Variants in NFKBIE observed in about 807,000 individuals in gnomAD.
NFKBIE encodes the protein NF-kappa-B inhibitor epsilon.
A neutral mutation model predicts 31.6 loss-of-function variants in NFKBIE; 11 were observed. The ratio of observed to expected loss-of-function variants is 0.35; its 90% CI spans 0.22 to 0.58. The LOEUF is 0.58. Among genes scored for constraint, NFKBIE ranks in the 20% least tolerant of loss-of-function variants. The probability of loss-of-function intolerance (pLI) is 0.83; values close to 1 mark genes in which losing one functional copy is unlikely to be tolerated. For synonymous variants in NFKBIE, 208 were observed against 210.1 expected, an observed-to-expected ratio of 0.99 and a Z score of 0.09; for missense variants, 354 against 465.7, an observed-to-expected ratio of 0.76 and a Z score of 2.21.
intron 1 of NFKBIE, 124 bp downstream of exon 1, chr6:44,264,857 TG>T: frequency 9.4e-7 from 1 of 1,069,246 alleles, no homozygotes; most frequent in Non-Finnish European, 1.4e-6. Context: ...GAGTTAAGTC[TG>T]GAGTTTGGAA....
At position 44,260,885 on chromosome 6, in the gene NFKBIE, ACACAC is replaced by A. The variant is rs1448542063; in HGVS notation, c.692-351_692-347del. The stretch of plus-strand genomic sequence containing the variant: ...GACACACACACACACACACACACAC[ACACAC>A]AACCTGCCTTCAAGCCCAGTCTGAA... On this transcript the variant is annotated intron_variant, in intron 3 of 5. Coordinates refer to ENST00000619360, the MANE Select transcript of NFKBIE (RefSeq NM_004556.3). This position sits in a 1 kb window ranked among gnomAD's most constrained non-coding sequence, Gnocchi z 5.5. Among the ~76,000 whole-genome samples, 6 of 150,330 alleles carry A rather than the reference ACACAC, an allele frequency of 4.0e-5. No homozygotes were observed. The highest frequency in any genetic ancestry group is 1.5e-4 in the African/African-American group (6 of 40,600).
At position 44,260,860 on chromosome 6, in the gene NFKBIE, G is replaced by GACACAC. The variant is rs71547856; in HGVS notation, c.692-327_692-322dup. Among the ~76,000 whole-genome samples the GACACAC allele has an allele frequency of 1.5e-5, 2 of 135,444 alleles. No homozygotes were observed. Among genetic ancestry groups the GACACAC allele is most frequent in the African/African-American group, 2.9e-5 (1 of 34,842 alleles). The allele number at this position is 135,444 out of a possible 152,430, so 88.9% of individuals were successfully genotyped here. A position where few individuals can be genotyped will look rare whatever the true frequency, so the allele number is the denominator to read the frequency against. On this transcript the variant is annotated intron_variant, in intron 3 of 5. Coordinates refer to ENST00000619360, the MANE Select transcript of NFKBIE (RefSeq NM_004556.3). This position sits in a 1 kb window ranked among gnomAD's most constrained non-coding sequence, Gnocchi z 5.5. ...ACACACACACACACACACACATACA[G>GACACAC]ACACACACACACACACACACACACA...
At position 44,260,576 on chromosome 6, in the gene NFKBIE, T is replaced by C. The variant is rs760764755; in HGVS notation, c.692-37A>G. 6 of 1,597,608 alleles carry C rather than the reference T, an allele frequency of 3.8e-6. No individual in the cohort carries two copies. The highest frequency in any genetic ancestry group is 5.1e-6 in the Non-Finnish European group (6 of 1,165,356). On this transcript the variant is annotated intron_variant, in intron 3 of 5. Coordinates refer to ENST00000619360, the MANE Select transcript of NFKBIE (RefSeq NM_004556.3). The surrounding 1 kb of genome is among the most constrained non-coding windows in gnomAD (Gnocchi z 5.5). ...TGAGAGTGAGGGTGAGGGCTGCTGA[T>C]CTGCATCCACCAACTCCCTCTCTTC...
Position 44,265,180 on chromosome 6 carries a change from T to C in NFKBIE, c.167A>G (p.Lys56Arg), listed in dbSNP as rs1394624561. 1.3e-6 allele frequency: 2 copies of C among 1,551,690 alleles called. No individual in the cohort carries two copies. The highest frequency in any genetic ancestry group is 1.7e-6 in the Non-Finnish European group (2 of 1,147,032). The change falls in exon 1 of 6, where the codon AAG (lysine) becomes AGG (arginine). Residue 56 changes from lysine to arginine, a missense_variant. By Grantham distance (26) the Lys-to-Arg change is conservative. Coordinates refer to ENST00000619360, the MANE Select transcript of NFKBIE (RefSeq NM_004556.3). ...QPCTHPPGPV[K>R]EPQEKEDADG... is the part of the protein sequence containing the mutation. ...CGCGTCTTCCTTCTCCTGTGGTTCC[T>C]TGACGGGTCCCGGAGGATGGGTGCA... is the stretch of plus-strand genomic sequence containing the variant.
In NFKBIE at chr6:44,260,790, C is replaced by T. The variant is rs1205634412; in HGVS notation, c.692-251G>A. Among the ~76,000 whole-genome samples, 1 of 151,334 alleles carries T rather than the reference C, an allele frequency of 6.6e-6. No homozygotes were observed. The highest frequency in any genetic ancestry group is 2.1e-4 in the South Asian group (1 of 4,800). ...TCAGGGGTCAGGCTGCTGAGTGACA[C>T]CCCCAAAGAACACCCTCCTCCTATA... On this transcript the variant is annotated intron_variant, in intron 3 of 5. Coordinates refer to ENST00000619360, the MANE Select transcript of NFKBIE (RefSeq NM_004556.3). The surrounding 1 kb of genome is among the most constrained non-coding windows in gnomAD (Gnocchi z 5.5).
In NFKBIE at chr6:44,262,527, G is replaced by C. The variant is rs369596528; in HGVS notation, c.468+33C>G. The C allele has an allele frequency of 1.3e-5, 20 of 1,576,164 alleles. 1 individual carries two copies. The African/African-American group carries it at 2.6e-4, about 20-fold the overall frequency. ...GGGAATGGCTGCCAGGGCACAAACA[G>C]GTATCTGGGCATAACATTCTCTCGC... On this transcript the variant is annotated intron_variant, in intron 2 of 5. Transcript: ENST00000619360.
chr6:44,262,716 G>T, intron 1 of NFKBIE, 54 bp from the exon 2 acceptor site: 1 of 1,450,760 alleles, frequency 6.9e-7, no homozygotes, highest in Non-Finnish European at 9.7e-7. Flanking sequence ...GAGGGAGTGG[G>T]TTGGGGTCTT....
At chr6:44,259,919 G>A in intron 5 of NFKBIE, 124 bp downstream of exon 5, 3 of 1,371,942 alleles carry the variant, frequency 2.2e-6, no homozygotes, top group South Asian at 3.0e-5. Context: ...TCCCACAGTT[G>A]GTCAGTGGCA....
chr6:44,264,902 G>A lies in NFKBIE; in HGVS notation c.365+80C>T, dbSNP rs1782060571. 7.6e-5 allele frequency: 110 copies of A among 1,442,072 alleles called. No homozygotes were observed. In the South Asian group the frequency reaches 1.2e-3, roughly 16 times the overall value. The allele number at this position is 1,442,072 out of a possible 1,614,324, so 89.3% of individuals were successfully genotyped here. Reference sequence around the variant, plus strand: ...GGGGACTTGAAGGATCTTCACGGGGGAGTGGGGGTGCCCGACCTGTTGCGG... The same window carrying A: ...GGGGACTTGAAGGATCTTCACGGGGAAGTGGGGGTGCCCGACCTGTTGCGG... On this transcript the variant is annotated intron_variant, in intron 1 of 5. Coordinates refer to ENST00000619360, the MANE Select transcript of NFKBIE (RefSeq NM_004556.3).
intron 5 of NFKBIE, among the ~76,000 whole-genome samples, chr6:44,259,570 T>C (rs574058798): frequency 2.0e-5 from 3 of 149,866 alleles, no homozygotes; most frequent in Non-Finnish European, 4.4e-5. Context: ...TTGTTTGTTG[T>C]TGTTGGGGGA....
At chr6:44,264,956 C>G (rs930479454) in intron 1 of NFKBIE, 26 bp downstream of exon 1, 11 of 1,548,708 alleles carry the variant, frequency 7.1e-6, no homozygotes, top group South Asian at 4.7e-5. Context: ...GTTAGCATCC[C>G]GATTCAGCCT....
Position 44,258,313 on chromosome 6 carries a change from G to A in NFKBIE, c.*906C>T, listed in dbSNP as rs763214864. The A allele has an allele frequency of 6.6e-6, 1 of 152,276 alleles. No homozygotes were observed. The highest frequency in any genetic ancestry group is 1.5e-5 in the Non-Finnish European group (1 of 68,112). 9.4% of individuals were successfully genotyped at this position (152,276 alleles called of 1,614,324 possible). A position where few individuals can be genotyped will look rare whatever the true frequency, so the allele number is the denominator to read the frequency against. On this transcript the variant is annotated 3_prime_UTR_variant, in exon 6 of 6. Coordinates refer to ENST00000619360, the MANE Select transcript of NFKBIE (RefSeq NM_004556.3). ...ATAGGGGTGACCTAGCAGGGCCCTCGAAGGTGAGGAACGGGGGGAAAAACG... is the reference window on the plus strand; with the variant it reads ...ATAGGGGTGACCTAGCAGGGCCCTCAAAGGTGAGGAACGGGGGGAAAAACG...
chr6:44,260,870 C>CATACAG lies in NFKBIE; in HGVS notation c.692-332_692-331insCTGTAT, dbSNP rs1781885823. Among the ~76,000 whole-genome samples the CATACAG allele has an allele frequency of 7.0e-6, 1 of 142,342 alleles. No individual in the cohort carries two copies. The highest frequency in any genetic ancestry group is 2.5e-5 in the African/African-American group (1 of 39,794). 93.4% of individuals were successfully genotyped at this position (142,342 alleles called of 152,430 possible). A position where few individuals can be genotyped will look rare whatever the true frequency, so the allele number is the denominator to read the frequency against. ...ACACACACACATACAGACACACACA[C>CATACAG]ACACACACACACACACACACAACCT... is the stretch of plus-strand genomic sequence containing the variant. On this transcript the variant is annotated intron_variant, in intron 3 of 5. Coordinates refer to ENST00000619360, the MANE Select transcript of NFKBIE (RefSeq NM_004556.3). This position sits in a 1 kb window ranked among gnomAD's most constrained non-coding sequence, Gnocchi z 5.5.
At position 44,261,359 on chromosome 6, in the gene NFKBIE, G is replaced by T. The variant is rs1471670448; in HGVS notation, c.691+267C>A. ...CTCAGTACATTTCTGTTGAATGAAT[G>T]AATCAGGTCATCTAATCTCTATTAA... On this transcript the variant is annotated intron_variant, in intron 3 of 5. Transcript: ENST00000619360. This position sits in a 1 kb window ranked among gnomAD's most constrained non-coding sequence, Gnocchi z 4.3. Among the ~76,000 whole-genome samples, 1 of 152,228 alleles carries T rather than the reference G, an allele frequency of 6.6e-6. No individual in the cohort carries two copies. Among genetic ancestry groups the T allele is most frequent in the Non-Finnish European group, 1.5e-5 (1 of 68,042 alleles).
intron 5 of NFKBIE, 57 bp from the exon 6 acceptor site, chr6:44,259,341 G>A: frequency 7.1e-7 from 1 of 1,399,556 alleles, no homozygotes; most frequent in Non-Finnish European, 1.0e-6. Flanking sequence ...GGTGACTTGG[G>A]AAAGGGGACC....
Position 44,260,574 on chromosome 6 carries a change from G to A in NFKBIE, c.692-35C>T. ...GGTGAGAGTGAGGGTGAGGGCTGCT[G>A]ATCTGCATCCACCAACTCCCTCTCT... On this transcript the variant is annotated intron_variant, in intron 3 of 5. Coordinates refer to ENST00000619360, the MANE Select transcript of NFKBIE (RefSeq NM_004556.3). The surrounding 1 kb of genome is among the most constrained non-coding windows in gnomAD (Gnocchi z 5.5). 6.3e-7 allele frequency: 1 copy of A among 1,598,612 alleles called. No homozygotes were observed. Among genetic ancestry groups the A allele is most frequent in the Non-Finnish European group, 8.6e-7 (1 of 1,166,122 alleles).
At chr6:44,259,322 A>G in intron 5 of NFKBIE, 38 bp from the exon 6 acceptor site, 2 of 1,543,594 alleles carry the variant, frequency 1.3e-6, no homozygotes, top group East Asian at 2.3e-5. Context: ...ATCAGAGGAC[A>G]TGGGAAAAGG....
At position 44,260,026 on chromosome 6, in the gene NFKBIE, A is replaced by C; in HGVS notation, c.1020+17T>G. 6.2e-7 allele frequency: 1 copy of C among 1,610,166 alleles called. No individual in the cohort carries two copies. Among genetic ancestry groups the C allele is most frequent in the Non-Finnish European group, 8.5e-7 (1 of 1,176,904 alleles). On this transcript the variant is annotated intron_variant, in intron 5 of 5. Transcript: ENST00000619360. The surrounding 1 kb of genome is among the most constrained non-coding windows in gnomAD (Gnocchi z 5.5). ...TGGGTGTGCAAGGCCCTGGAGAGCA[A>C]AGCATATGCCACTTACTTCCTCAGT...
In NFKBIE at chr6:44,260,275, G is replaced by A. The variant is rs1456384117; in HGVS notation, c.788C>T (p.Thr263Ile). The A allele has an allele frequency of 6.2e-7, 1 of 1,609,416 alleles. No individual in the cohort carries two copies. Among genetic ancestry groups the A allele is most frequent in the Non-Finnish European group, 8.5e-7 (1 of 1,176,104 alleles). Residue 263 changes from threonine (T) to isoleucine (I), a missense_variant, in exon 5 of 6, where the codon ACC (threonine) becomes ATC (isoleucine). By Grantham distance (89) the Thr-to-Ile change is moderately conservative. Transcript: ENST00000619360. The surrounding 1 kb of genome is among the most constrained non-coding windows in gnomAD (Gnocchi z 5.5). ...CAGGTGCAGCGCTGTCTTACCACTG[G>A]TGCCCTCCTGGGGAGGAATAAGGAT... is the stretch of plus-strand genomic sequence containing the variant. The part of the protein sequence containing the change: ...NGADIDVQEG[T>I]SGKTALHLAV...
Sources: gnomAD v4.1 joint callset for allele counts (sites outside exome capture counted in the v4.1 genomes callset) on GRCh38, gnomAD v4.1.1 for gene constraint, Gnocchi (gnomAD v3.1) non-coding constraint, MANE v1.5 for transcripts, NCBI Gene and HGNC (gene_info 2026-07-23, HGNC 2026-07-21) for gene names.